The following SEMA5A variants were observed in gnomAD, a reference collection of about 807,000 sequenced individuals.
SEMA5A encodes semaphorin 5A.
SEMA5A carries 55 observed loss-of-function variants against 135.5 expected under a neutral mutation model. The ratio of observed to expected loss-of-function variants is 0.41; its 90% CI spans 0.33 to 0.51. SEMA5A has a LOEUF of 0.51. SEMA5A is among the 20% of genes least tolerant of loss of function. SEMA5A has a pLI of 0.37. For missense variants in SEMA5A, 1,290 were observed against 1,419.9 expected, an observed-to-expected ratio of 0.91 and a Z score of 1.47; for synonymous variants, 580 against 546.5, an observed-to-expected ratio of 1.06 and a Z score of -0.85.
chr5:9,161,812 A>G (rs1235017818), intron 11 of SEMA5A, among the ~76,000 whole-genome samples: 2 of 152,228 alleles, frequency 1.3e-5, no homozygotes, highest in African/African-American at 4.8e-5. Context: ...GTCCTTCTCT[A>G]TAAGTGTTTA....
intron 19 of SEMA5A, 43 bp downstream of exon 19, chr5:9,054,044 C>A (rs1377713393): frequency 1.0e-5 from 16 of 1,557,154 alleles, no homozygotes; most frequent in Admixed American, 1.9e-5. Context: ...AGGAAAGAGG[C>A]CAATTTGTCT....
chr5:9,135,337 C>T lies in SEMA5A; in HGVS notation c.1599+1167G>A, dbSNP rs375528467. Among the ~76,000 whole-genome samples, 18 of 151,918 alleles carry T rather than the reference C, an allele frequency of 1.2e-4. No individual in the cohort carries two copies. The East Asian group carries it at 1.4e-3, about 11-fold the overall frequency. ...CTGGGACTACAGGCGCCCGCCACCA[C>T]GCCTGGCTAATTTTTTGTATTTTTT... is the stretch of plus-strand genomic sequence containing the variant. On this transcript the variant is annotated intron_variant, in intron 13 of 22. Transcript: ENST00000382496.
chr5:9,407,953 A>T (rs1756951697), intron 2 of SEMA5A, among the ~76,000 whole-genome samples: 1 of 151,912 alleles, frequency 6.6e-6, no homozygotes, highest in African/African-American at 2.4e-5. Flanking sequence ...CAACACCACC[A>T]CTATGACTTT....
At chr5:9,452,149 C>A (rs1389314510) in intron 1 of SEMA5A, among the ~76,000 whole-genome samples, 2 of 152,178 alleles carry the variant, frequency 1.3e-5, no homozygotes, top group Admixed American at 1.3e-4. Flanking sequence ...ATGCTGAGGA[C>A]AGACCATTAA....
At chr5:9,353,225 GGAAAGGAAA>G (rs1754258545) in intron 3 of SEMA5A, among the ~76,000 whole-genome samples, 1 of 135,900 alleles carries the variant, frequency 7.4e-6, no homozygotes, top group African/African-American at 3.0e-5. Context: ...GGAAAGGAAA[GGAAAGGAAA>G]GGAAGGAAAG....
rs1340326020 is a variant in SEMA5A, at chr5:9,486,677, C to A, written c.-174-48825G>T. ...AAAAGAAGAAACAGAAATAGAAATG[C>A]ATGGAAAAAAATGGACTCCTCAGAC... On this transcript the variant is annotated intron_variant, in intron 1 of 22. Coordinates refer to ENST00000382496, the MANE Select transcript of SEMA5A (RefSeq NM_003966.3). 2.0e-5 allele frequency among the ~76,000 whole-genome samples: 3 copies of A among 151,776 alleles called. No individual in the cohort carries two copies. In the East Asian group the frequency reaches 5.8e-4, roughly 29 times the overall value.
intron 1 of SEMA5A, among the ~76,000 whole-genome samples, chr5:9,454,050 A>G (rs1435594087): frequency 2.0e-5 from 3 of 152,220 alleles, no homozygotes; most frequent in Non-Finnish European, 4.4e-5. Flanking sequence ...GAAAGCTGGG[A>G]GCCACTGGTG....
intron 1 of SEMA5A, among the ~76,000 whole-genome samples, chr5:9,481,582 C>G (rs1759877704): frequency 1.3e-5 from 2 of 152,172 alleles, no homozygotes. Context: ...TAGAGATTTT[C>G]TTTTTCCTTG....
At chr5:9,439,054 C>G (rs1477323038) in intron 1 of SEMA5A, among the ~76,000 whole-genome samples, 1 of 152,172 alleles carries the variant, frequency 6.6e-6, no homozygotes, top group Admixed American at 6.5e-5. Context: ...GGGCAACACA[C>G]TGGGACATGC....
intron 3 of SEMA5A, among the ~76,000 whole-genome samples, chr5:9,378,308 A>T (rs1218250467): frequency 6.6e-6 from 1 of 152,190 alleles, no homozygotes; most frequent in Non-Finnish European, 1.5e-5. Context: ...TGAAGGAAAG[A>T]TAGTTTATAT....
At chr5:9,056,164 C>T (rs1736877705) in intron 18 of SEMA5A, among the ~76,000 whole-genome samples, 1 of 152,126 alleles carries the variant, frequency 6.6e-6, no homozygotes. Flanking sequence ...TTCTGTAGAT[C>T]CCTGGCCTCT....
chr5:9,256,233 G>A (rs930591759), intron 5 of SEMA5A, among the ~76,000 whole-genome samples: 66 of 152,008 alleles, frequency 4.3e-4, no homozygotes, highest in African/African-American at 1.4e-3. Context: ...TGCCATTTAG[G>A]TACCTAAAAC....
At chr5:9,451,289 C>G (rs1000865269) in intron 1 of SEMA5A, among the ~76,000 whole-genome samples, 1 of 152,186 alleles carries the variant, frequency 6.6e-6, no homozygotes, top group African/African-American at 2.4e-5. Context: ...ACTGTAAATG[C>G]TTGGGAAATT....
intron 1 of SEMA5A, among the ~76,000 whole-genome samples, chr5:9,515,133 G>A (rs570473831): frequency 6.6e-6 from 1 of 152,290 alleles, no homozygotes; most frequent in Admixed American, 6.5e-5. Context: ...AAAATCATTT[G>A]GCAACTCAGT....
intron 16 of SEMA5A, among the ~76,000 whole-genome samples, chr5:9,102,477 A>C (rs1383699419): frequency 6.6e-6 from 1 of 152,186 alleles, no homozygotes; most frequent in Non-Finnish European, 1.5e-5. Context: ...ATTGTCCCAG[A>C]AATCAAAATT....
chr5:9,352,279 C>T (rs1754157882), intron 3 of SEMA5A, among the ~76,000 whole-genome samples: 1 of 152,162 alleles, frequency 6.6e-6, no homozygotes. Context: ...GGCCACCAGA[C>T]ACTACCAATC....
intron 3 of SEMA5A, among the ~76,000 whole-genome samples, chr5:9,347,109 A>T (rs1753911312): frequency 6.6e-6 from 1 of 152,212 alleles, no homozygotes. Flanking sequence ...CGTATCACGA[A>T]AAAAGACCCA....
intron 3 of SEMA5A, among the ~76,000 whole-genome samples, chr5:9,355,756 G>A (rs898190930): frequency 2.0e-5 from 3 of 152,094 alleles, no homozygotes; most frequent in African/African-American, 7.2e-5. Flanking sequence ...GGTGAGGAAC[G>A]ACAGAAGGAG....
At chr5:9,328,664 T>G (rs1320341279) in intron 4 of SEMA5A, among the ~76,000 whole-genome samples, 1 of 152,152 alleles carries the variant, frequency 6.6e-6, no homozygotes, top group Non-Finnish European at 1.5e-5. Flanking sequence ...CAATCTCAGC[T>G]ACTCGGGAGG....
Sources: gnomAD v4.1 joint callset for allele counts (sites outside exome capture counted in the v4.1 genomes callset) on GRCh38, gnomAD v4.1.1 for gene constraint, MANE v1.5 for transcripts, NCBI Gene and HGNC (gene_info 2026-07-23, HGNC 2026-07-21) for gene names.